Variants in SYCP2 observed in about 807,000 individuals in gnomAD.
SYCP2 encodes the protein synaptonemal complex protein 2, also known as synaptonemal complex lateral element protein.
In SYCP2, 55 loss-of-function variants were observed where a neutral mutation model predicts 211.3. That is an observed-to-expected ratio of 0.26 (90% CI 0.21 to 0.33). The LOEUF (loss-of-function observed/expected upper bound fraction) is 0.33. SYCP2 is among the 10% of genes least tolerant of loss of function. SYCP2 has a pLI of 1.00. For synonymous variants in SYCP2, 570 were observed against 555.2 expected, an observed-to-expected ratio of 1.03 and a Z score of -0.37; for missense variants, 1,731 against 1,752.0, an observed-to-expected ratio of 0.99 and a Z score of 0.21.
chr20:59,866,604 T>C lies in SYCP2; in HGVS notation c.4126-15A>G. On this transcript the variant is annotated splice_polypyrimidine_tract_variant and intron_variant, in intron 39 of 44. Coordinates refer to ENST00000357552, the MANE Select transcript of SYCP2 (RefSeq NM_014258.4). ...TTATGTCGGATCTGAAAAATACTCA[T>C]TTTTAAGTTAAAATATCTTTACAAA... 1 of 1,540,048 alleles carries C rather than the reference T, an allele frequency of 6.5e-7. No individual in the cohort carries two copies. The highest frequency in any genetic ancestry group is 1.7e-4 in the Middle Eastern group (1 of 5,822).
chr20:59,868,539 T>TTC lies in SYCP2; in HGVS notation c.3860_3861dup (p.Ile1288GlufsTer4). ...TTACTTAGATTATCTTCTATATATA[T>TTC]TCTTTTGCGACTAAGATGTTGGGTG... is the stretch of plus-strand genomic sequence containing the variant. On this transcript the variant is annotated frameshift_variant, in exon 38 of 45. Transcript: ENST00000357552. LOFTEE classifies it high-confidence loss of function. 1 of 1,606,308 alleles carries TTC rather than the reference T, an allele frequency of 6.2e-7. No homozygotes were observed. The highest frequency in any genetic ancestry group is 8.5e-7 in the Non-Finnish European group (1 of 1,177,362).
rs991088598 is a variant in SYCP2 at position 59,888,533 on chromosome 20, A to C, written c.2365-1699T>G. Among the ~76,000 whole-genome samples, 4 of 152,068 alleles carry C rather than the reference A, an allele frequency of 2.6e-5. 1 individual carries two copies. The highest frequency in any genetic ancestry group is 9.7e-5 in the African/African-American group (4 of 41,444). On this transcript the variant is annotated intron_variant, in intron 24 of 44. Coordinates refer to ENST00000357552, the MANE Select transcript of SYCP2 (RefSeq NM_014258.4). ...AAAGAGCATCTACAAAAACAGTTAC[A>C]GCTAACATCACACTTAATGGTGAGA... is the stretch of plus-strand genomic sequence containing the variant.
chr20:59,923,941 T>C (rs908147168), intron 2 of SYCP2, among the ~76,000 whole-genome samples: 3 of 151,890 alleles, frequency 2.0e-5, no homozygotes, highest in Non-Finnish European at 4.4e-5. Context: ...AAGTAAAATA[T>C]ATTAAATACT....
At position 59,868,468 on chromosome 20, in the gene SYCP2, G is replaced by A. The variant is rs200127479; in HGVS notation, c.3933C>T (p.Asn1311=). The A allele has an allele frequency of 1.4e-3, 2,282 of 1,611,380 alleles. 54 individuals carry two copies. The South Asian group carries it at 0.024, about 17-fold the overall frequency. ...EMEEKGERRA[N]LLPKKLCKIE... is the part of the protein sequence containing the mutation. ...TTTTACACAGTTTTTTGGGAAGCAA[G>A]TTTGCTCTCCTTTCTCCTTTCTCTT... Residue 1311 remains asparagine (N), a synonymous_variant, in exon 38 of 45, where the codon AAC becomes AAT. Coordinates refer to ENST00000357552, the MANE Select transcript of SYCP2 (RefSeq NM_014258.4).
At chr20:59,864,618 A>G (rs1931587433) in intron 44 of SYCP2, among the ~76,000 whole-genome samples, 1 of 151,988 alleles carries the variant, frequency 6.6e-6, no homozygotes, top group Admixed American at 6.6e-5. Context: ...TTAAAGCCCC[A>G]AATCAGTGAA....
chr20:59,932,253 G>T (rs181919956), intron 1 of SYCP2, 99 bp from the exon 2 acceptor site: 1 of 152,330 alleles, frequency 6.6e-6, no homozygotes, highest in Admixed American at 6.5e-5. Flanking sequence ...AAAAACTGCT[G>T]AATGAATGCA....
intron 2 of SYCP2, among the ~76,000 whole-genome samples, chr20:59,931,715 T>C (rs906839957): frequency 1.3e-5 from 2 of 152,082 alleles, no homozygotes; most frequent in African/African-American, 4.8e-5. Flanking sequence ...AACAAGATGG[T>C]TTTAGTTTCT....
At chr20:59,878,833 T>A (rs1174514286) in intron 31 of SYCP2, among the ~76,000 whole-genome samples, 1 of 152,100 alleles carries the variant, frequency 6.6e-6, no homozygotes, top group Non-Finnish European at 1.5e-5. Flanking sequence ...TCAAGCATAA[T>A]GTTATCTTTC....
intron 35 of SYCP2, among the ~76,000 whole-genome samples, chr20:59,872,988 T>A (rs73309241): frequency 0.032 from 4,926 of 152,172 alleles, 269 homozygotes; most frequent in African/African-American, 0.11. Context: ...TAAATATATA[T>A]TGAAAAGAAA....
At chr20:59,868,664 T>A in intron 37 of SYCP2, 96 bp from the exon 38 acceptor site, 1 of 1,369,392 alleles carries the variant, frequency 7.3e-7, no homozygotes, top group Non-Finnish European at 9.7e-7. Flanking sequence ...TTGTTTCCAC[T>A]AAGTATTTTT....
intron 8 of SYCP2, 54 bp downstream of exon 8, chr20:59,916,428 TATTG>T (rs2060444063): frequency 8.4e-6 from 8 of 952,996 alleles, no homozygotes; most frequent in East Asian, 2.4e-5. Flanking sequence ...ATTTAATTGC[TATTG>T]ATTTTCTTCA....
intron 24 of SYCP2, 97 bp from the exon 25 acceptor site, chr20:59,886,931 T>C (rs2059800001): frequency 2.2e-6 from 2 of 919,514 alleles, no homozygotes; most frequent in South Asian, 1.7e-5. Context: ...CTGGTTCTAT[T>C]TATACCTGCG....
intron 19 of SYCP2, 30 bp downstream of exon 19, chr20:59,896,399 T>C: frequency 8.1e-7 from 1 of 1,236,236 alleles, no homozygotes; most frequent in Non-Finnish European, 1.2e-6. Context: ...AAAATAATTG[T>C]TAGAAATCTT....
At chr20:59,884,877 T>C (rs1300884760) in intron 26 of SYCP2, among the ~76,000 whole-genome samples, 1 of 151,722 alleles carries the variant, frequency 6.6e-6, no homozygotes, top group African/African-American at 2.4e-5. Flanking sequence ...ATGAGTAAAA[T>C]AGCAAAAATA....
rs2059278906 is a variant in SYCP2 at position 59,863,817 on chromosome 20, C to G, written c.*494G>C. 6.6e-6 allele frequency: 1 copy of G among 151,938 alleles called. No homozygotes were observed. The highest frequency in any genetic ancestry group is 2.1e-4 in the South Asian group (1 of 4,826). The allele number at this position is 151,938 out of a possible 1,614,324, so 9.4% of individuals were successfully genotyped here. ...TAGAGCCATATCTGAATAAATGTTT[C>G]CAACAGTGTGCTGAAAGTACTGATC... is the stretch of plus-strand genomic sequence containing the variant. On this transcript the variant is annotated 3_prime_UTR_variant, in exon 45 of 45. Coordinates refer to ENST00000357552, the MANE Select transcript of SYCP2 (RefSeq NM_014258.4).
At chr20:59,866,247 A>C in intron 41 of SYCP2, 46 bp downstream of exon 41, 1 of 1,307,552 alleles carries the variant, frequency 7.6e-7, no homozygotes, top group Non-Finnish European at 1.1e-6. Context: ...TAGCTCTTTA[A>C]AAATAAGGTT....
At chr20:59,894,708 G>T (rs554947378) in intron 20 of SYCP2, among the ~76,000 whole-genome samples, 1 of 152,082 alleles carries the variant, frequency 6.6e-6, no homozygotes, top group East Asian at 1.9e-4. Context: ...TACTTCAACA[G>T]ATCTCCAGGA....
intron 25 of SYCP2, 21 bp from the exon 26 acceptor site, chr20:59,885,985 A>G: frequency 2.5e-6 from 4 of 1,587,852 alleles, no homozygotes; most frequent in Non-Finnish European, 3.4e-6. Flanking sequence ...AGATTTTGTC[A>G]AAATTGAAAA....
chr20:59,886,960 C>A, intron 24 of SYCP2, 126 bp from the exon 25 acceptor site: 1 of 688,110 alleles, frequency 1.5e-6, no homozygotes, highest in Non-Finnish European at 2.3e-6. Context: ...TAAAGAGAGT[C>A]AACTGTTTAG....
Sources: gnomAD v4.1 joint callset for allele counts (sites outside exome capture counted in the v4.1 genomes callset) on GRCh38, gnomAD v4.1.1 for gene constraint, MANE v1.5 for transcripts, NCBI Gene and HGNC (gene_info 2026-07-23, HGNC 2026-07-21) for gene names.